The following NUAK2 variants were observed in gnomAD, a reference collection of about 807,000 sequenced individuals.
NUAK2 encodes NUAK family kinase 2, also known as NUAK family SNF1-like kinase 2.
A neutral mutation model predicts 29.8 loss-of-function variants in NUAK2; 20 were observed. That is an observed-to-expected ratio of 0.67 (90% CI 0.47 to 0.98). The LOEUF (loss-of-function observed/expected upper bound fraction) is 0.98. Ranked by LOEUF, NUAK2 falls within the 50% of genes least tolerant of loss-of-function variation. The pLI is 0.00. For missense variants in NUAK2, 719 were observed against 834.5 expected, an observed-to-expected ratio of 0.86 and a Z score of 1.71; for synonymous variants, 331 against 342.6, an observed-to-expected ratio of 0.97 and a Z score of 0.37.
intron 2 of NUAK2, among the ~76,000 whole-genome samples, chr1:205,310,285 A>G (rs944770892): frequency 1.3e-5 from 2 of 152,196 alleles, no homozygotes; most frequent in African/African-American, 4.8e-5. Flanking sequence ...TCATCTCTGC[A>G]AGGGTGCATG....
In NUAK2 at chr1:205,304,140, A is replaced by G. The variant is rs763630679; in HGVS notation, c.1197T>C (p.Pro399=). ...SDTADDTAHR[P]GKSNLKLPKG... ...TTGGCAGCTTGAGGTTGCTCTTGCC[A>G]GGGCGATGGGCAGTGTCATCAGCCG... The change falls in exon 7 of 7, where the codon CCT becomes CCC. Residue 399 remains proline, a synonymous_variant. Coordinates refer to ENST00000367157, the MANE Select transcript of NUAK2 (RefSeq NM_030952.3). The surrounding 1 kb of genome is among the most constrained non-coding windows in gnomAD (Gnocchi z 6.5). 5.0e-6 allele frequency: 8 copies of G among 1,614,054 alleles called. No individual in the cohort carries two copies. The South Asian group carries it at 8.8e-5, about 18-fold the overall frequency.
chr1:205,306,298 A>C lies in NUAK2; in HGVS notation c.580T>G (p.Phe194Val). ...TGATGGTAGAGGTTGGAGAGACCGA[A>C]GTCAGCAATCTGCAGGATTGAGTCA... The part of the protein sequence containing the change: ...DANGNIKIAD[F>V]GLSNLYHQGK... Residue 194 changes from phenylalanine (F) to valine (V), a missense_variant, in exon 5 of 7, where the codon TTC becomes GTC. Physicochemically the swap from Phe to Val is conservative, Grantham distance 50. Transcript: ENST00000367157. 1 of 1,612,150 alleles carries C rather than the reference A, an allele frequency of 6.2e-7. No individual in the cohort carries two copies. Among genetic ancestry groups the C allele is most frequent in the East Asian group, 2.2e-5 (1 of 44,848 alleles).
intron 1 of NUAK2, among the ~76,000 whole-genome samples, chr1:205,320,476 G>A (rs1255358812): frequency 2.0e-5 from 3 of 152,190 alleles, no homozygotes; most frequent in African/African-American, 7.2e-5. Flanking sequence ...GTGTTAGCCA[G>A]GATGGTCTCG....
Position 205,321,691 on chromosome 1 carries a change from C to T in NUAK2, c.-63G>A, listed in dbSNP as rs376083348. ...GTAGGCTGTGCGGGGAGGGCTGAAGCGCGGGGCACAGGTCCCGCACCAGGA... is the reference window on the plus strand; with the variant it reads ...GTAGGCTGTGCGGGGAGGGCTGAAGTGCGGGGCACAGGTCCCGCACCAGGA... On this transcript the variant is annotated 5_prime_UTR_variant, in exon 1 of 7. Coordinates refer to ENST00000367157, the MANE Select transcript of NUAK2 (RefSeq NM_030952.3). The T allele has an allele frequency of 9.4e-6, 13 of 1,378,782 alleles. No homozygotes were observed. The highest frequency in any genetic ancestry group is 1.3e-5 in the Non-Finnish European group (13 of 1,001,884). The allele number at this position is 1,378,782 out of a possible 1,614,324, so 85.4% of individuals were successfully genotyped here.
In NUAK2 at chr1:205,303,892, T is replaced by C. The variant is rs371958492; in HGVS notation, c.1445A>G (p.Asp482Gly). ...LDAGDVFVSG[D>G]PKEQKPPQAS... ...TTGCGGAGGCTTCTGCTCCTTGGGA[T>C]CCCCACTCACAAACACGTCGCCTGC... Residue 482 changes from aspartate (D) to glycine (G), a missense_variant, in exon 7 of 7, where the codon GAT (aspartate) becomes GGT (glycine). Physicochemically the swap from Asp to Gly is moderately conservative, Grantham distance 94. This residue lies in a region of NUAK2 where 430 missense variants were observed against 465.7 expected (regional missense o/e 0.92). Transcript: ENST00000367157. 6.2e-7 allele frequency: 1 copy of C among 1,613,956 alleles called. No homozygotes were observed. Among genetic ancestry groups the C allele is most frequent in the South Asian group, 1.1e-5 (1 of 91,078 alleles).
At position 205,304,650 on chromosome 1, in the gene NUAK2, C is replaced by T. The variant is rs1376160931; in HGVS notation, c.824-137G>A. The T allele has an allele frequency of 9.4e-6, 7 of 746,144 alleles. No individual in the cohort carries two copies. The highest frequency in any genetic ancestry group is 1.5e-5 in the Non-Finnish European group (7 of 468,452). The allele number at this position is 746,144 out of a possible 1,614,324, so 46.2% of individuals were successfully genotyped here. A position where few individuals can be genotyped will look rare whatever the true frequency, so the allele number is the denominator to read the frequency against. On this transcript the variant is annotated intron_variant, in intron 6 of 6. Coordinates refer to ENST00000367157, the MANE Select transcript of NUAK2 (RefSeq NM_030952.3). This position sits in a 1 kb window ranked among gnomAD's most constrained non-coding sequence, Gnocchi z 6.5. ...CGGATGCGTCCCTTCCAACCTAGGG[C>T]TCTATACATGCCTTGGCCCAGGACA...
At chr1:205,321,377 G>A in intron 1 of NUAK2, 21 bp downstream of exon 1, 1 of 1,592,646 alleles carries the variant, frequency 6.3e-7, no homozygotes, top group Non-Finnish European at 8.6e-7. Context: ...GCCCCGCGCC[G>A]CGAGAGGGAG....
At chr1:205,314,695 A>G (rs889883559) in intron 1 of NUAK2, among the ~76,000 whole-genome samples, 2 of 152,248 alleles carry the variant, frequency 1.3e-5, no homozygotes, top group Non-Finnish European at 2.9e-5. Flanking sequence ...TCAGAGATAA[A>G]GGTCCATAAA....
intron 1 of NUAK2, among the ~76,000 whole-genome samples, chr1:205,320,831 C>A (rs1662404509): frequency 6.6e-6 from 1 of 152,138 alleles, no homozygotes; most frequent in Non-Finnish European, 1.5e-5. Context: ...TTTCCAGAAT[C>A]AAAAACTCAT....
chr1:205,306,075 G>C, intron 5 of NUAK2, 113 bp downstream of exon 5: 2 of 1,411,184 alleles, frequency 1.4e-6, no homozygotes, highest in Non-Finnish European at 1.9e-6. Context: ...TGGGAGGCTT[G>C]AGAGTTGTGC....
intron 1 of NUAK2, among the ~76,000 whole-genome samples, chr1:205,313,264 C>T (rs1662279890): frequency 6.6e-6 from 1 of 150,768 alleles, no homozygotes; most frequent in Non-Finnish European, 1.5e-5. Flanking sequence ...AAAAAAAGCC[C>T]CCAAACACCA....
Position 205,303,923 on chromosome 1 carries a change from A to G in NUAK2, c.1414T>C (p.Leu472=). ...CTCACAAACACGTCGCCTGCGTCCA[A>G]GAGCTCCCCAGATTCACTGGGCTCG... ...SPEPSESGEL[L]DAGDVFVSGD... Residue 472 remains leucine (L), a synonymous_variant, in exon 7 of 7, where the codon TTG becomes CTG. Transcript: ENST00000367157. The G allele has an allele frequency of 3.7e-6, 6 of 1,614,010 alleles. No individual in the cohort carries two copies. Among genetic ancestry groups the G allele is most frequent in the East Asian group, 2.2e-5 (1 of 44,860 alleles).
intron 2 of NUAK2, among the ~76,000 whole-genome samples, chr1:205,310,843 CTA>C (rs1662247017): frequency 6.6e-6 from 1 of 152,158 alleles, no homozygotes. Flanking sequence ...AGCCACAGGG[CTA>C]TGTCTTAAGG....
chr1:205,316,060 G>A (rs940791662), intron 1 of NUAK2, among the ~76,000 whole-genome samples: 17 of 152,080 alleles, frequency 1.1e-4, no homozygotes, highest in Admixed American at 9.8e-4. Context: ...ACCCTACTCA[G>A]AAGGGGAAAG....
In NUAK2 at chr1:205,303,920, C is replaced by T; in HGVS notation, c.1417G>A (p.Asp473Asn). The part of the protein sequence containing the change: ...PEPSESGELL[D>N]AGDVFVSGDP... ...CCACTCACAAACACGTCGCCTGCGTCCAAGAGCTCCCCAGATTCACTGGGC... is the reference window on the plus strand; with the variant it reads ...CCACTCACAAACACGTCGCCTGCGTTCAAGAGCTCCCCAGATTCACTGGGC... Residue 473 changes from aspartate to asparagine, a missense_variant, in exon 7 of 7, where the codon GAC becomes AAC. Coordinates refer to ENST00000367157, the MANE Select transcript of NUAK2 (RefSeq NM_030952.3). The T allele has an allele frequency of 1.2e-6, 2 of 1,614,066 alleles. No homozygotes were observed. Among genetic ancestry groups the T allele is most frequent in the Non-Finnish European group, 1.7e-6 (2 of 1,180,004 alleles).
chr1:205,303,880 T>C lies in NUAK2; in HGVS notation c.1457A>G (p.Gln486Arg). The C allele has an allele frequency of 3.1e-6, 5 of 1,614,066 alleles. No homozygotes were observed. The highest frequency in any genetic ancestry group is 4.2e-6 in the Non-Finnish European group (5 of 1,179,982). The change falls in exon 7 of 7, where the codon CAG becomes CGG. Residue 486 changes from glutamine (Q) to arginine (R), a missense_variant. Transcript: ENST00000367157. ...DVFVSGDPKEQKPPQASGLLL... is the reference protein window; with the variant it reads ...DVFVSGDPKERKPPQASGLLL... ...CAGCCCTGAAGCTTGCGGAGGCTTC[T>C]GCTCCTTGGGATCCCCACTCACAAA...
At chr1:205,320,248 G>GTTTGT (rs1299995457) in intron 1 of NUAK2, among the ~76,000 whole-genome samples, 25 of 151,576 alleles carry the variant, frequency 1.6e-4, no homozygotes, top group African/African-American at 6.1e-4. Context: ...TTCTTTTTTT[G>GTTTGT]TTTGTTTCGT....
chr1:205,308,925 G>GC lies in NUAK2; in HGVS notation c.353-194dup, dbSNP rs1279623084. ...TGGAAGTTCTCAGCATCTTCCAGGA[G>GC]CCATGAGTTAAGGCCAAAGACACTG... On this transcript the variant is annotated intron_variant, in intron 2 of 6. Coordinates refer to ENST00000367157, the MANE Select transcript of NUAK2 (RefSeq NM_030952.3). This position sits in a 1 kb window ranked among gnomAD's most constrained non-coding sequence, Gnocchi z 4.1. 6.6e-6 allele frequency among the ~76,000 whole-genome samples: 1 copy of GC among 152,086 alleles called. No individual in the cohort carries two copies. Among genetic ancestry groups the GC allele is most frequent in the Non-Finnish European group, 1.5e-5 (1 of 68,022 alleles).
At chr1:205,315,734 C>T (rs1431449403) in intron 1 of NUAK2, among the ~76,000 whole-genome samples, 1 of 152,002 alleles carries the variant, frequency 6.6e-6, no homozygotes, top group Non-Finnish European at 1.5e-5. Context: ...TTAGCTGGGC[C>T]TGGTGATGCA....
Sources: allele counts gnomAD v4.1 joint callset (sites outside exome capture counted in the v4.1 genomes callset), GRCh38; gene constraint gnomAD v4.1.1; regional missense constraint gnomAD v4.1.1; non-coding constraint Gnocchi (gnomAD v3.1); transcripts MANE v1.5; gene names NCBI Gene and HGNC (gene_info 2026-07-23, HGNC 2026-07-21).